CREB5: variants seen among roughly 807,000 people sequenced by gnomAD.
CREB5 encodes cAMP responsive element binding protein 5, also known as cyclic AMP-responsive element-binding protein 5.
In CREB5, 19 loss-of-function variants were observed where a neutral mutation model predicts 57.1. That is an observed-to-expected ratio of 0.33 (90% CI 0.23 to 0.49). The LOEUF (loss-of-function observed/expected upper bound fraction) is 0.49. Among genes scored for constraint, CREB5 ranks in the 20% least tolerant of loss-of-function variants. The probability of loss-of-function intolerance (pLI) is 0.99; values close to 1 mark genes in which losing one functional copy is unlikely to be tolerated. For synonymous variants in CREB5, 238 were observed against 238.3 expected (o/e 1.00, Z 0.01); for missense variants, 579 against 671.6 (o/e 0.86, Z 1.52).
At chr7:28,813,743 TGTA>T (rs1809261395) in intron 9 of CREB5, among the ~76,000 whole-genome samples, 1 of 152,218 alleles carries the variant, frequency 6.6e-6, no homozygotes, top group African/African-American at 2.4e-5. Flanking sequence ...AGTATGTTTT[TGTA>T]GTATTGAATA....
chr7:28,646,894 TAAC>T (rs1798910805), intron 5 of CREB5, among the ~76,000 whole-genome samples: 2 of 151,980 alleles, frequency 1.3e-5, no homozygotes, highest in Admixed American at 6.6e-5. Flanking sequence ...GGAGCAACAA[TAAC>T]AACACTCTTT....
intron 5 of CREB5, among the ~76,000 whole-genome samples, chr7:28,597,999 C>T (rs922457941): frequency 2.1e-5 from 1 of 47,270 alleles, no homozygotes; most frequent in African/African-American, 8.0e-5. Flanking sequence ...AGGAAGAGAG[C>T]TAGAACTAGG....
chr7:28,385,676 C>CAAAA (rs56149219), intron 1 of CREB5, among the ~76,000 whole-genome samples: 1 of 128,626 alleles, frequency 7.8e-6, no homozygotes. Context: ...GACCCTGTCT[C>CAAAA]AAAAAAAAAA....
exon 1 of CREB5, chr7:28,299,385 A>G (rs1785062179): frequency 1.3e-5 from 2 of 152,240 alleles, no homozygotes; most frequent in South Asian, 4.1e-4. Context: ...GAATGACAGA[A>G]ACTGCCTAAA....
At chr7:28,541,151 A>G (rs908826926) in intron 4 of CREB5, among the ~76,000 whole-genome samples, 2 of 152,374 alleles carry the variant, frequency 1.3e-5, no homozygotes, top group East Asian at 1.9e-4. Flanking sequence ...ATGATACAGG[A>G]GAAACTCTTA....
chr7:28,574,679 T>A (rs1420369562), intron 5 of CREB5, among the ~76,000 whole-genome samples: 1 of 152,242 alleles, frequency 6.6e-6, no homozygotes, highest in Non-Finnish European at 1.5e-5. Context: ...ATTTTTTTCT[T>A]ACCTTTTACT....
At chr7:28,613,947 C>T (rs1204913156) in intron 5 of CREB5, among the ~76,000 whole-genome samples, 1 of 152,082 alleles carries the variant, frequency 6.6e-6, no homozygotes, top group Non-Finnish European at 1.5e-5. Context: ...ACATTTCAGT[C>T]TTTACTTATT....
At chr7:28,718,661 A>G in intron 5 of CREB5, 92 bp from the exon 6 acceptor site, 2 of 1,541,348 alleles carry the variant, frequency 1.3e-6, no homozygotes, top group Non-Finnish European at 1.8e-6. Context: ...TCTGCTGCAC[A>G]TGTGACATTG....
At chr7:28,686,251 C>A in intron 5 of CREB5, 3 of 1,413,520 alleles carry the variant, frequency 2.1e-6, no homozygotes, top group Non-Finnish European at 3.0e-6. Context: ...TTTTTTTGCC[C>A]CTACTGCCTT....
chr7:28,529,218 A>G (rs1044601629), intron 4 of CREB5, among the ~76,000 whole-genome samples: 13 of 152,206 alleles, frequency 8.5e-5, no homozygotes, highest in African/African-American at 2.7e-4. Context: ...TCTGGGCTCC[A>G]GTTTTTCCAC....
At chr7:28,564,856 C>T (rs1349975712) in intron 4 of CREB5, among the ~76,000 whole-genome samples, 1 of 152,166 alleles carries the variant, frequency 6.6e-6, no homozygotes, top group Non-Finnish European at 1.5e-5. Context: ...GAAAAATCAA[C>T]GTTTGTAGGT....
intron 7 of CREB5, among the ~76,000 whole-genome samples, chr7:28,729,238 A>G (rs1387077296): frequency 2.6e-5 from 4 of 152,192 alleles, no homozygotes; most frequent in African/African-American, 9.6e-5. Context: ...AGGCCCACTA[A>G]AGATTTAGGG....
Position 28,783,416 on chromosome 7 carries a change from T to C in CREB5, c.703-20783T>C, listed in dbSNP as rs1285454275. 6.6e-5 allele frequency among the ~76,000 whole-genome samples: 10 copies of C among 152,266 alleles called. No individual in the cohort carries two copies. In the East Asian group the frequency reaches 1.7e-3, roughly 26 times the overall value. On this transcript the variant is annotated intron_variant, in intron 7 of 10. Transcript: ENST00000357727. ...AAATTCTGCATGACAATTAGTATTATAGTTTTGTCCAGAATTTGACTTCCT... is the reference window on the plus strand; with the variant it reads ...AAATTCTGCATGACAATTAGTATTACAGTTTTGTCCAGAATTTGACTTCCT...
chr7:28,706,008 C>T (rs1052759544), intron 5 of CREB5, among the ~76,000 whole-genome samples: 8 of 152,106 alleles, frequency 5.3e-5, no homozygotes, highest in African/African-American at 1.9e-4. Flanking sequence ...AAAATGTAAA[C>T]CTGGGTTCCA....
In CREB5 at chr7:28,819,142, C is replaced by T; in HGVS notation, c.1390C>T (p.Pro464Ser). 1 of 1,613,508 alleles carries T rather than the reference C, an allele frequency of 6.2e-7. No homozygotes were observed. Residue 464 changes from proline to serine, a missense_variant, in exon 11 of 11, where the codon CCT (proline) becomes TCT (serine). Pro to Ser is a moderately conservative substitution (Grantham distance 74, BLOSUM62 -1). Coordinates refer to ENST00000357727, the MANE Select transcript of CREB5 (RefSeq NM_182898.4). ...LSPESSPPAS[P>S]VPACSQQQVI... ...TCCAGAGAGTAGCCCTCCTGCTAGTCCTGTCCCAGCTTGCTCCCAGCAACA... is the reference window on the plus strand; with the variant it reads ...TCCAGAGAGTAGCCCTCCTGCTAGTTCTGTCCCAGCTTGCTCCCAGCAACA...
chr7:28,363,020 T>C (rs942007543), intron 1 of CREB5, among the ~76,000 whole-genome samples: 9 of 152,192 alleles, frequency 5.9e-5, no homozygotes, highest in African/African-American at 2.2e-4. Flanking sequence ...AAGCATTTTC[T>C]AAGTTAAGAT....
intron 1 of CREB5, among the ~76,000 whole-genome samples, chr7:28,337,057 A>G (rs1268781714): frequency 6.6e-6 from 1 of 152,076 alleles, no homozygotes; most frequent in Non-Finnish European, 1.5e-5. Flanking sequence ...GTCAGAGAAG[A>G]TACTTGATAT....
intron 1 of CREB5, among the ~76,000 whole-genome samples, chr7:28,424,934 T>C (rs1158591408): frequency 6.6e-6 from 1 of 152,216 alleles, no homozygotes; most frequent in Non-Finnish European, 1.5e-5. Context: ...AAACACATCA[T>C]AATAAAAAGA....
At chr7:28,621,985 TG>T (rs1016310447) in intron 5 of CREB5, among the ~76,000 whole-genome samples, 17 of 152,142 alleles carry the variant, frequency 1.1e-4, no homozygotes, top group African/African-American at 4.1e-4. Flanking sequence ...AGCGAATAGA[TG>T]ATGAGGAAGT....
Sources: gnomAD v4.1 joint callset for allele counts (sites outside exome capture counted in the v4.1 genomes callset) on GRCh38, gnomAD v4.1.1 for gene constraint, MANE v1.5 for transcripts, NCBI Gene and HGNC (gene_info 2026-07-23, HGNC 2026-07-21) for gene names.